The following CACNA1D variants were observed in gnomAD, a reference collection of about 807,000 sequenced individuals.
The protein encoded by CACNA1D is voltage-dependent L-type calcium channel subunit alpha-1D.
A neutral mutation model predicts 257.1 loss-of-function variants in CACNA1D; 55 were observed. The observed-to-expected ratio is 0.21, with a 90% CI of 0.17 to 0.27. CACNA1D has a LOEUF of 0.27. CACNA1D is among the 10% of genes least tolerant of loss of function. The probability of loss-of-function intolerance (pLI) is 1.00; values close to 1 mark genes in which losing one functional copy is unlikely to be tolerated. For synonymous variants in CACNA1D, 980 were observed against 1,014.9 expected (o/e 0.97, Z 0.65); for missense variants, 1,876 against 2,784.0 (o/e 0.67, Z 7.34).
At chr3:53,717,527 C>T (rs1245975447) in intron 9 of CACNA1D, among the ~76,000 whole-genome samples, 1 of 152,206 alleles carries the variant, frequency 6.6e-6, no homozygotes, top group Non-Finnish European at 1.5e-5. Flanking sequence ...TCCACATTTC[C>T]TCTACTTCCG....
intron 3 of CACNA1D, among the ~76,000 whole-genome samples, chr3:53,511,586 G>A (rs2091113997): frequency 6.6e-6 from 1 of 152,044 alleles, no homozygotes; most frequent in Non-Finnish European, 1.5e-5. Flanking sequence ...TGTTTTTCAG[G>A]GGTCAGGGTA....
chr3:53,702,953 T>A, intron 9 of CACNA1D, 143 bp downstream of exon 9: 1 of 861,422 alleles, frequency 1.2e-6, no homozygotes. Flanking sequence ...CCTGCACACA[T>A]CACGGAGAGA....
chr3:53,767,393 C>G (rs1047768756), intron 30 of CACNA1D, among the ~76,000 whole-genome samples: 2 of 152,012 alleles, frequency 1.3e-5, no homozygotes, highest in African/African-American at 4.8e-5. Flanking sequence ...GGTGAAACCT[C>G]ATCTCTACTG....
chr3:53,767,665 T>A (rs1576606775), intron 30 of CACNA1D, among the ~76,000 whole-genome samples: 1 of 100,776 alleles, frequency 9.9e-6, no homozygotes, highest in Non-Finnish European at 2.5e-5. Flanking sequence ...GCTTCAGAGA[T>A]TTTGTTAAAG....
rs376966857 is a variant in CACNA1D at position 53,627,456 on chromosome 3, A to G, written c.484-23323A>G. On this transcript the variant is annotated intron_variant, in intron 3 of 47. Transcript: ENST00000350061. ...TGGGGTCTGAGGTGCTAGTTTATCC[A>G]TCTTGCAAACGTGATTGTCTTGATG... Among the ~76,000 whole-genome samples, 3 of 152,296 alleles carry G rather than the reference A, an allele frequency of 2.0e-5. No homozygotes were observed. In the East Asian group the frequency reaches 5.8e-4, roughly 29 times the overall value.
intron 3 of CACNA1D, among the ~76,000 whole-genome samples, chr3:53,621,200 G>A (rs529488814): frequency 6.6e-6 from 1 of 152,260 alleles, no homozygotes; most frequent in South Asian, 2.1e-4. Flanking sequence ...GGACGGGACT[G>A]GGGATGCAGC....
chr3:53,586,826 G>A (rs537543747), intron 3 of CACNA1D, among the ~76,000 whole-genome samples: 6 of 152,272 alleles, frequency 3.9e-5, no homozygotes, highest in Admixed American at 2.0e-4. Flanking sequence ...GACAGGCATC[G>A]TGTTGAACTT....
At chr3:53,715,521 A>G (rs1461528129) in intron 9 of CACNA1D, among the ~76,000 whole-genome samples, 1 of 152,094 alleles carries the variant, frequency 6.6e-6, no homozygotes, top group Non-Finnish European at 1.5e-5. Context: ...CTTTGCTTCC[A>G]GGGAGCTCCA....
chr3:53,659,318 A>G (rs2094180283), intron 4 of CACNA1D, among the ~76,000 whole-genome samples: 1 of 152,166 alleles, frequency 6.6e-6, no homozygotes, highest in African/African-American at 2.4e-5. Context: ...TTAATACCTT[A>G]CCTTAGGTAA....
rs531998238 is a variant in CACNA1D at position 53,548,103 on chromosome 3, G to A, written c.483+46383G>A. 9.2e-5 allele frequency among the ~76,000 whole-genome samples: 14 copies of A among 152,242 alleles called. No individual in the cohort carries two copies. The South Asian group carries it at 2.9e-3, about 32-fold the overall frequency. On this transcript the variant is annotated intron_variant, in intron 3 of 47. Transcript: ENST00000350061. ...GATTTGCAAATTTCTCTGTGGTTTG[G>A]TTTACTTCTTTCTCTTGGTCCTTTG...
In CACNA1D at chr3:53,678,528, G is replaced by A. The variant is rs191926065; in HGVS notation, c.1220+5402G>A. Among the ~76,000 whole-genome samples, 6 of 152,218 alleles carry A rather than the reference G, an allele frequency of 3.9e-5. No homozygotes were observed. The East Asian group carries it at 1.2e-3, about 29-fold the overall frequency. ...GCCTATTTATCTTTAGAAGTTTAAG[G>A]GAACATGGATGAAGCGAAGCATTAT... On this transcript the variant is annotated intron_variant, in intron 8 of 47. Transcript: ENST00000350061.
At chr3:53,585,828 C>T (rs2093205856) in intron 3 of CACNA1D, among the ~76,000 whole-genome samples, 1 of 152,142 alleles carries the variant, frequency 6.6e-6, no homozygotes, top group Non-Finnish European at 1.5e-5. Flanking sequence ...GTAAGGGAGG[C>T]AGTGCCTGCA....
At position 53,496,068 on chromosome 3, in the gene CACNA1D, G is replaced by A. The variant is rs535567164; in HGVS notation, c.67+835G>A. On this transcript the variant is annotated intron_variant, in intron 1 of 47. Transcript: ENST00000350061. ...CGACTCGTCCCCGCTCCGATTGCCC[G>A]CCGCTCGCCCGCTTTGCCCTCTTCT... Among the ~76,000 whole-genome samples, 4 of 152,324 alleles carry A rather than the reference G, an allele frequency of 2.6e-5. No homozygotes were observed. In the South Asian group the frequency reaches 8.3e-4, roughly 32 times the overall value.
At chr3:53,801,572 C>CTGGGGGGCACT in intron 42 of CACNA1D, 147 bp downstream of exon 42, 2 of 1,013,958 alleles carry the variant, frequency 2.0e-6, no homozygotes, top group Non-Finnish European at 3.1e-6. Context: ...TGTGAGTGCC[C>CTGGGGGGCACT]CCCAGGTCAC....
At chr3:53,569,708 T>C (rs985414478) in intron 3 of CACNA1D, among the ~76,000 whole-genome samples, 11 of 152,242 alleles carry the variant, frequency 7.2e-5, no homozygotes, top group South Asian at 6.2e-4. Flanking sequence ...CATTCAACTA[T>C]GCAGTATTAA....
intron 3 of CACNA1D, among the ~76,000 whole-genome samples, chr3:53,647,404 G>T (rs1163926211): frequency 2.6e-5 from 4 of 152,142 alleles, no homozygotes; most frequent in African/African-American, 9.7e-5. Flanking sequence ...TTCATGTATG[G>T]TTCTAGAGGG....
At chr3:53,771,166 C>T (rs914188266) in intron 32 of CACNA1D, among the ~76,000 whole-genome samples, 2 of 152,208 alleles carry the variant, frequency 1.3e-5, no homozygotes, top group African/African-American at 4.8e-5. Context: ...CTGCCCCAGA[C>T]ATTCTAGCCT....
rs539342053 is a variant in CACNA1D at position 53,512,049 on chromosome 3, AAGC to A, written c.483+10333_483+10335del. 1.5e-4 allele frequency among the ~76,000 whole-genome samples: 23 copies of A among 152,354 alleles called. No homozygotes were observed. The South Asian group carries it at 4.8e-3, about 32-fold the overall frequency. On this transcript the variant is annotated intron_variant, in intron 3 of 47. Coordinates refer to ENST00000350061, the MANE Select transcript of CACNA1D (RefSeq NM_001128840.3). ...AAATGACTGCTTTGAAACGGTGTGA[AAGC>A]AGCTTAAATGGGTAAAATGCTGCCC...
At chr3:53,517,208 GCAAGGCCCTGAATCCTA>G in intron 3 of CACNA1D, among the ~76,000 whole-genome samples, 1 of 6,720 alleles carries the variant, frequency 1.5e-4, no homozygotes, top group Non-Finnish European at 2.5e-4. Context: ...ATCCCTCACT[GCAAGGCCCTGAATCCTA>G]ATCCCTCACT....
Sources: allele counts gnomAD v4.1 joint callset (sites outside exome capture counted in the v4.1 genomes callset), GRCh38; gene constraint gnomAD v4.1.1; transcripts MANE v1.5; gene names NCBI Gene and HGNC (gene_info 2026-07-23, HGNC 2026-07-21).